Variants in THSD7A observed in about 807,000 individuals in gnomAD.
THSD7A encodes thrombospondin type-1 domain-containing protein 7A.
In THSD7A, 96 loss-of-function variants were observed where a neutral mutation model predicts 231.3. The ratio of observed to expected loss-of-function variants is 0.41; its 90% confidence interval spans 0.35 to 0.49. THSD7A has a LOEUF of 0.49. THSD7A is among the 20% of genes least tolerant of loss of function. THSD7A has a pLI of 0.05. For synonymous variants in THSD7A, 940 were observed against 743.3 expected (o/e 1.26, Z -4.30); for missense variants, 2,290 against 2,070.2 (o/e 1.11, Z -2.06).
chr7:11,744,045 G>T (rs1782195459), intron 1 of THSD7A, among the ~76,000 whole-genome samples: 1 of 151,784 alleles, frequency 6.6e-6, no homozygotes, highest in South Asian at 2.1e-4. Context: ...GCAATTTCGT[G>T]GTTCTTATGT....
intron 6 of THSD7A, among the ~76,000 whole-genome samples, chr7:11,524,295 C>T (rs569198778): frequency 6.6e-5 from 10 of 152,092 alleles, no homozygotes; most frequent in South Asian, 4.2e-4. Context: ...ACAATCTTGG[C>T]GCACAACTTC....
At chr7:11,477,364 T>G (rs553507812) in intron 7 of THSD7A, among the ~76,000 whole-genome samples, 1 of 152,158 alleles carries the variant, frequency 6.6e-6, no homozygotes, top group East Asian at 1.9e-4. Context: ...ATTACAGAAA[T>G]GATATCGTAT....
At chr7:11,823,673 CT>C (rs1470527704) in intron 1 of THSD7A, among the ~76,000 whole-genome samples, 1 of 151,938 alleles carries the variant, frequency 6.6e-6, no homozygotes, top group Admixed American at 6.6e-5. Context: ...TTATACATGT[CT>C]TTAGTTAAAT....
chr7:11,767,567 A>T (rs115905778), intron 1 of THSD7A, among the ~76,000 whole-genome samples: 3,632 of 152,260 alleles, frequency 0.024, 137 homozygotes, highest in African/African-American at 0.083. Context: ...CATGATTTTT[A>T]ATATAACTTT....
intron 4 of THSD7A, among the ~76,000 whole-genome samples, chr7:11,563,988 G>C (rs1479923329): frequency 6.6e-6 from 1 of 152,094 alleles, no homozygotes; most frequent in African/African-American, 2.4e-5. Flanking sequence ...CTGTTCATTG[G>C]AGCGGTCACT....
In THSD7A at chr7:11,632,359, T is replaced by G. The variant is rs17519435; in HGVS notation, c.1022+3771A>C. 1.3e-5 allele frequency among the ~76,000 whole-genome samples: 2 copies of G among 152,118 alleles called. No homozygotes were observed. On this transcript the variant is annotated intron_variant, in intron 2 of 27. Transcript: ENST00000423059. This position sits in a 1 kb window ranked among gnomAD's most constrained non-coding sequence, Gnocchi z 4.1. ...TTAAGTTTTCCTTTTGCAAATGAGA[T>G]ATTTTAATCTTTTTCCCCATTATAA... is the stretch of plus-strand genomic sequence containing the variant.
chr7:11,382,378 G>A, intron 24 of THSD7A, 143 bp downstream of exon 24: 1 of 665,984 alleles, frequency 1.5e-6, no homozygotes. Flanking sequence ...CACCAGATGG[G>A]TATATACAGC....
At position 11,571,769 on chromosome 7, in the gene THSD7A, G is replaced by A. The variant is rs566475665; in HGVS notation, c.1453+18691C>T. ...TTCATTGTCTGAGATTTCAACCCTC[G>A]TTCGTTATCTTTATTCACATGTATG... On this transcript the variant is annotated intron_variant, in intron 4 of 27. Transcript: ENST00000423059. 5.3e-5 allele frequency among the ~76,000 whole-genome samples: 8 copies of A among 151,638 alleles called. No individual in the cohort carries two copies. The South Asian group carries it at 1.2e-3, about 24-fold the overall frequency.
At position 11,766,670 on chromosome 7, in the gene THSD7A, C is replaced by T. The variant is rs191746186; in HGVS notation, c.190+65087G>A. Among the ~76,000 whole-genome samples, 225 of 152,256 alleles carry T rather than the reference C, an allele frequency of 1.5e-3. 3 individuals are homozygous for T. The East Asian group carries it at 0.035, about 24-fold the overall frequency. On this transcript the variant is annotated intron_variant, in intron 1 of 27. Transcript: ENST00000423059. Reference sequence around the variant, plus strand: ...TGAACTGAATATAATAATCAGGAGGCTATCACTCAAATCCAGAATAAGGAG... The same window carrying T: ...TGAACTGAATATAATAATCAGGAGGTTATCACTCAAATCCAGAATAAGGAG...
chr7:11,555,987 C>T (rs1789828189), intron 4 of THSD7A, among the ~76,000 whole-genome samples: 1 of 151,598 alleles, frequency 6.6e-6, no homozygotes, highest in Admixed American at 6.6e-5. Flanking sequence ...AAGTGAGTTT[C>T]TTGTAGAATG....
intron 1 of THSD7A, among the ~76,000 whole-genome samples, chr7:11,826,554 G>A (rs1291957153): frequency 6.6e-6 from 1 of 152,138 alleles, no homozygotes; most frequent in Non-Finnish European, 1.5e-5. Context: ...AAATGTCCCT[G>A]TAATCCCAGA....
intron 11 of THSD7A, among the ~76,000 whole-genome samples, chr7:11,457,467 AATTT>A (rs1461788394): frequency 1.3e-5 from 2 of 151,894 alleles, no homozygotes; most frequent in African/African-American, 4.8e-5. Context: ...GTATGTCCAC[AATTT>A]ATTTATTTTT....
At chr7:11,428,884 G>T in intron 14 of THSD7A, 63 bp downstream of exon 14, 1 of 1,517,412 alleles carries the variant, frequency 6.6e-7, no homozygotes, top group Non-Finnish European at 8.8e-7. Flanking sequence ...CTCCATTTTG[G>T]AGAAAAAATC....
intron 10 of THSD7A, among the ~76,000 whole-genome samples, chr7:11,461,019 T>C (rs938228979): frequency 6.6e-6 from 1 of 152,152 alleles, no homozygotes; most frequent in East Asian, 1.9e-4. Context: ...AGAGAACATT[T>C]AGACTTTTTA....
intron 1 of THSD7A, among the ~76,000 whole-genome samples, chr7:11,773,608 GA>G (rs1326822561): frequency 6.6e-6 from 1 of 151,988 alleles, no homozygotes; most frequent in African/African-American, 2.4e-5. Context: ...GACCCAAAGG[GA>G]AAACATCAAA....
At chr7:11,663,308 G>T (rs1783003116) in intron 1 of THSD7A, among the ~76,000 whole-genome samples, 1 of 151,318 alleles carries the variant, frequency 6.6e-6, no homozygotes, top group Non-Finnish European at 1.5e-5. Context: ...TATCAAAAAT[G>T]ACATTAGGAG....
At chr7:11,623,760 C>T (rs1372666964) in intron 2 of THSD7A, among the ~76,000 whole-genome samples, 1 of 152,028 alleles carries the variant, frequency 6.6e-6, no homozygotes, top group African/African-American at 2.4e-5. Flanking sequence ...CTAGGTTGAA[C>T]AAGGAATAGA....
chr7:11,625,715 CAAT>C (rs1246473597), intron 2 of THSD7A, among the ~76,000 whole-genome samples: 10 of 126,060 alleles, frequency 7.9e-5, no homozygotes, highest in African/African-American at 2.0e-4. Context: ...TACAAACAAA[CAAT>C]GCATTAATGA....
At chr7:11,382,219 A>G (rs1312151422) in intron 24 of THSD7A, among the ~76,000 whole-genome samples, 2 of 152,172 alleles carry the variant, frequency 1.3e-5, no homozygotes, top group African/African-American at 4.8e-5. Flanking sequence ...ACTCATATAT[A>G]AAATTTCTAG....
Sources: gnomAD v4.1 joint callset for allele counts (sites outside exome capture counted in the v4.1 genomes callset) on GRCh38, gnomAD v4.1.1 for gene constraint, Gnocchi (gnomAD v3.1) non-coding constraint, MANE v1.5 for transcripts, NCBI Gene and HGNC (gene_info 2026-07-23, HGNC 2026-07-21) for gene names.